Variants in FGD2 observed in about 807,000 individuals in gnomAD.
FGD2 encodes FYVE, RhoGEF and PH domain containing 2, also known as FYVE, RhoGEF and PH domain-containing protein 2.
A neutral mutation model predicts 75.9 loss-of-function variants in FGD2; 52 were observed. The observed-to-expected ratio is 0.69, with a 90% confidence interval of 0.55 to 0.86. FGD2 has a LOEUF of 0.86. Ranked by LOEUF, FGD2 falls within the 40% of genes least tolerant of loss-of-function variation. The pLI is 0.00. For synonymous variants in FGD2, 347 were observed against 348.6 expected (o/e 1.00, Z 0.05); for missense variants, 790 against 872.0 (o/e 0.91, Z 1.18).
rs200949140 is a variant in FGD2, at chr6:37,020,496, C to T, written c.1123-45C>T. On this transcript the variant is annotated intron_variant, in intron 9 of 15. Transcript: ENST00000274963. The stretch of plus-strand genomic sequence containing the variant: ...CCTCCACAGTGCTGTGCCTGGGACC[C>T]GGGCTATGATGAGTCTGAACTGGTT... 486 of 1,554,498 alleles carry T rather than the reference C, an allele frequency of 3.1e-4. 1 individual carries two copies. In the African/African-American group the frequency reaches 5.8e-3, roughly 19 times the overall value.
At chr6:37,011,644 C>T in intron 3 of FGD2, 62 bp from the exon 4 acceptor site, 1 of 1,607,776 alleles carries the variant, frequency 6.2e-7, no homozygotes, top group Non-Finnish European at 8.5e-7. Flanking sequence ...CCTAGTTCCC[C>T]CGGGCTGATG....
Position 37,005,723 on chromosome 6 carries a change from C to A in FGD2, c.-95C>A. On this transcript the variant is annotated 5_prime_UTR_variant, in exon 1 of 16. Coordinates refer to ENST00000274963, the MANE Select transcript of FGD2 (RefSeq NM_173558.4). ...CAGAACAGATTCATGGGTGATTTAG[C>A]CTATCTGTCCCAGGCCAGCGTGGCT... 1.5e-6 allele frequency: 2 copies of A among 1,320,020 alleles called. No homozygotes were observed. Among genetic ancestry groups the A allele is most frequent in the South Asian group, 1.2e-5 (1 of 80,748 alleles). The allele number at this position is 1,320,020 out of a possible 1,614,324, so 81.8% of individuals were successfully genotyped here.
chr6:37,012,076 G>A (rs1583297215), intron 4 of FGD2: 1 of 510,498 alleles, frequency 2.0e-6, no homozygotes, highest in South Asian at 3.1e-5. Flanking sequence ...GGTGGATCAG[G>A]TCCTGGCCAA....
chr6:37,015,076 G>A (rs751854227), intron 8 of FGD2, 38 bp downstream of exon 8: 1 of 1,597,534 alleles, frequency 6.3e-7, no homozygotes, highest in African/African-American at 1.3e-5. Context: ...ACACTGGGGA[G>A]GGAAGTCCAT....
intron 9 of FGD2, 48 bp from the exon 10 acceptor site, chr6:37,020,493 A>G: frequency 6.7e-7 from 1 of 1,482,016 alleles, no homozygotes; most frequent in South Asian, 1.2e-5. Flanking sequence ...TGTGCCTGGG[A>G]CCCGGGCTAT....
At chr6:37,017,470 C>T (rs1765354785) in intron 9 of FGD2, among the ~76,000 whole-genome samples, 1 of 152,246 alleles carries the variant, frequency 6.6e-6, no homozygotes, top group Non-Finnish European at 1.5e-5. Flanking sequence ...GTAACAAAGG[C>T]TGGCGCTTCT....
Position 37,005,801 on chromosome 6 carries a change from C to T in FGD2, c.-17C>T, listed in dbSNP as rs1246680747. 6.2e-7 allele frequency: 1 copy of T among 1,613,378 alleles called. No individual in the cohort carries two copies. The highest frequency in any genetic ancestry group is 2.2e-5 in the East Asian group (1 of 44,872). ...CTGCTTCGAGGGTAGCTGAGATCCA[C>T]CCCGGAAACCGGCAGGATGAAGGGG... On this transcript the variant is annotated 5_prime_UTR_variant, in exon 1 of 16. Coordinates refer to ENST00000274963, the MANE Select transcript of FGD2 (RefSeq NM_173558.4).
intron 11 of FGD2, among the ~76,000 whole-genome samples, chr6:37,021,225 CTGT>C (rs886282621): frequency 1.5e-4 from 23 of 152,098 alleles, no homozygotes; most frequent in Admixed American, 3.9e-4. Context: ...AGGAGCTGCT[CTGT>C]GGTAGTTTGG....
In FGD2 at chr6:37,028,615, C is replaced by CTTTTTTTTTTTTTTTTTTGTTTTT. The variant is rs386406733; in HGVS notation, c.*469_*470insTGTTTTTTTTTTTTTTTTTTTTTT. The CTTTTTTTTTTTTTTTTTTGTTTTT allele has an allele frequency of 1.3e-5, 1 of 79,024 alleles. No homozygotes were observed. The allele number at this position is 79,024 out of a possible 1,614,324, so 4.9% of individuals were successfully genotyped here. On this transcript the variant is annotated 3_prime_UTR_variant, in exon 16 of 16. Transcript: ENST00000274963. ...GGCTGAGTTGGGGGAGGCATGGGGTCTTTTTTTTTTTTTTTTTGAGACAGA... is the reference window on the plus strand; with the variant it reads ...GGCTGAGTTGGGGGAGGCATGGGGTCTTTTTTTTTTTTTTTTTTGTTTTTTTTTTTTTTTTTTTTTTGAGACAGA...
chr6:37,016,997 G>A (rs967788972), intron 9 of FGD2, among the ~76,000 whole-genome samples: 5 of 152,134 alleles, frequency 3.3e-5, no homozygotes, highest in Non-Finnish European at 7.4e-5. Flanking sequence ...TTCTTGTGAG[G>A]CCTTCCAGAG....
chr6:37,020,472 CT>C, intron 9 of FGD2, 68 bp from the exon 10 acceptor site: 1 of 1,442,518 alleles, frequency 6.9e-7, no homozygotes. Context: ...CCTCCCTCCC[CT>C]CCACAGTGCT....
intron 11 of FGD2, among the ~76,000 whole-genome samples, chr6:37,021,277 C>G (rs964724893): frequency 6.6e-6 from 1 of 152,138 alleles, no homozygotes; most frequent in Non-Finnish European, 1.5e-5. Context: ...TTCTCATTGC[C>G]TAGCTGGGCA....
chr6:37,012,711 TAAA>T (rs376918197), intron 4 of FGD2, among the ~76,000 whole-genome samples: 2 of 127,284 alleles, frequency 1.6e-5, no homozygotes, highest in African/African-American at 3.0e-5. Flanking sequence ...GACCCTGACT[TAAA>T]AAAAAAAAAA....
chr6:37,007,612 G>T (rs959038592), intron 1 of FGD2, among the ~76,000 whole-genome samples: 3 of 152,244 alleles, frequency 2.0e-5, no homozygotes, highest in Non-Finnish European at 4.4e-5. Context: ...TGAGTGAGGG[G>T]ACCCATACCA....
chr6:37,016,931 T>C (rs796544463), intron 9 of FGD2, among the ~76,000 whole-genome samples: 5 of 152,274 alleles, frequency 3.3e-5, no homozygotes, highest in African/African-American at 1.2e-4. Context: ...ATATATACAA[T>C]GAAAGTCTCC....
At chr6:37,011,088 C>T in intron 3 of FGD2, 38 bp downstream of exon 3, 1 of 1,598,634 alleles carries the variant, frequency 6.3e-7, no homozygotes, top group Non-Finnish European at 8.6e-7. Flanking sequence ...AGCCCCAGCC[C>T]TGGGTCTCCT....
At chr6:37,025,744 C>T (rs769613814) in intron 13 of FGD2, 48 bp from the exon 14 acceptor site, 2 of 1,608,862 alleles carry the variant, frequency 1.2e-6, no homozygotes, top group Non-Finnish European at 1.7e-6. Flanking sequence ...GAGCCCAGCC[C>T]TCCGGTGCCT....
At position 37,014,037 on chromosome 6, in the gene FGD2, CT is replaced by C. The variant is rs762796214; in HGVS notation, c.761del (p.Leu254ArgfsTer26). The C allele has an allele frequency of 6.2e-7, 1 of 1,614,036 alleles. No homozygotes were observed. The highest frequency in any genetic ancestry group is 1.3e-5 in the African/African-American group (1 of 74,930). On this transcript the variant is annotated frameshift_variant, in exon 6 of 16. Coordinates refer to ENST00000274963, the MANE Select transcript of FGD2 (RefSeq NM_173558.4). LOFTEE classifies it high-confidence loss of function. ...AGTGCAGAGAATTCCACGTTACGAG[CT>C]GCTGCTCAAGGAGTACATCCAGAAG... ...EPVQRIPRYELLLKEYIQKLP... is the reference protein window; with the variant it reads ...EPVQRIPRYEXLLKEYIQKLP...
At chr6:37,007,348 C>A (rs9470452) in intron 1 of FGD2, among the ~76,000 whole-genome samples, 28 of 152,304 alleles carry the variant, frequency 1.8e-4, no homozygotes, top group African/African-American at 6.7e-4. Flanking sequence ...CTGCCTCTCC[C>A]GGGATCTTTG....
Sources: gnomAD v4.1 joint callset for allele counts (sites outside exome capture counted in the v4.1 genomes callset) on GRCh38, gnomAD v4.1.1 for gene constraint, MANE v1.5 for transcripts, NCBI Gene and HGNC (gene_info 2026-07-23, HGNC 2026-07-21) for gene names.